Variants in HTR7 observed in about 807,000 individuals in gnomAD.
The protein encoded by HTR7 is 5-hydroxytryptamine receptor 7, also known as 5-HT-7.
Under a neutral mutation model 34.0 loss-of-function variants are expected in HTR7, and 16 were observed. That is an observed-to-expected ratio of 0.47 (90% CI 0.32 to 0.71). HTR7 has a LOEUF of 0.71. Ranked by LOEUF, HTR7 falls within the 30% of genes least tolerant of loss-of-function variation. HTR7 has a pLI of 0.04. For missense variants in HTR7, 504 were observed against 625.5 expected (o/e 0.81, Z 2.07); for synonymous variants, 265 against 260.2 (o/e 1.02, Z -0.18).
chr10:90,811,129 C>G (rs891160522), intron 1 of HTR7, among the ~76,000 whole-genome samples: 3 of 152,178 alleles, frequency 2.0e-5, no homozygotes, highest in Admixed American at 2.0e-4. Flanking sequence ...TCATCCCAAC[C>G]CTTTTCATTA....
intron 1 of HTR7, among the ~76,000 whole-genome samples, chr10:90,771,011 G>T (rs541869576): frequency 6.6e-6 from 1 of 152,322 alleles, no homozygotes; most frequent in South Asian, 2.1e-4. Context: ...GGCTCAGCCA[G>T]AGCAGAAGGG....
intron 1 of HTR7, among the ~76,000 whole-genome samples, chr10:90,772,023 T>G (rs576532326): frequency 6.6e-6 from 1 of 152,216 alleles, no homozygotes; most frequent in Non-Finnish European, 1.5e-5. Flanking sequence ...GTCAGAACTA[T>G]AAGCCATTTA....
chr10:90,765,070 C>T (rs1043453137), intron 1 of HTR7, among the ~76,000 whole-genome samples: 7 of 152,136 alleles, frequency 4.6e-5, no homozygotes, highest in African/African-American at 1.7e-4. Flanking sequence ...GTGTTCCTTC[C>T]TGTTCAACTT....
At chr10:90,770,281 C>T (rs559720498) in intron 1 of HTR7, among the ~76,000 whole-genome samples, 26 of 152,298 alleles carry the variant, frequency 1.7e-4, no homozygotes, top group Admixed American at 1.1e-3. Context: ...GGGGCCACTG[C>T]GACAGGGCTG....
In HTR7 at chr10:90,804,601, C is replaced by T. The variant is rs181755209; in HGVS notation, c.539+52532G>A. ...AACGAGCCACCACCCCTCCCCACTC[C>T]TTCAGGTTTGGTAAAGGAGTTCAAA... On this transcript the variant is annotated intron_variant, in intron 1 of 3. Transcript: ENST00000336152. Among the ~76,000 whole-genome samples, 511 of 152,318 alleles carry T rather than the reference C, an allele frequency of 3.4e-3. 2 individuals carry two copies. The highest frequency in any genetic ancestry group is 5.8e-3 in the Admixed American group (88 of 15,304).
chr10:90,799,579 C>T (rs541246241), intron 1 of HTR7, among the ~76,000 whole-genome samples: 8 of 152,282 alleles, frequency 5.3e-5, no homozygotes, highest in African/African-American at 1.9e-4. Flanking sequence ...CCCCGCAAAT[C>T]ATCTCCTGTA....
rs1298538661 is a variant in HTR7, at chr10:90,742,164, C to G, written c.*318G>C. 2 of 209,376 alleles carry G rather than the reference C, an allele frequency of 9.6e-6. No individual in the cohort carries two copies. Among genetic ancestry groups the G allele is most frequent in the African/African-American group, 4.6e-5 (2 of 43,634 alleles). 13.0% of individuals were successfully genotyped at this position (209,376 alleles called of 1,614,324 possible). ...TGGGAAGTGTGCACTGGAACTTTCT[C>G]CCACTTGCATGGATTTGGACATATG... On this transcript the variant is annotated 3_prime_UTR_variant, in exon 4 of 4. Coordinates refer to ENST00000336152, the MANE Select transcript of HTR7 (RefSeq NM_019859.4).
chr10:90,816,412 G>A (rs943035984), intron 1 of HTR7, among the ~76,000 whole-genome samples: 8 of 152,160 alleles, frequency 5.3e-5, no homozygotes, highest in Non-Finnish European at 7.4e-5. Flanking sequence ...TAGAGAGAGA[G>A]AAATTCTATT....
intron 1 of HTR7, among the ~76,000 whole-genome samples, chr10:90,801,900 T>C (rs1240689514): frequency 1.3e-5 from 2 of 152,174 alleles, no homozygotes; most frequent in Non-Finnish European, 2.9e-5. Context: ...GTGACTCTGG[T>C]GTATTTTTGG....
chr10:90,824,375 T>C (rs1846035665), intron 1 of HTR7, among the ~76,000 whole-genome samples: 1 of 152,230 alleles, frequency 6.6e-6, no homozygotes, highest in Admixed American at 6.5e-5. Context: ...CAGTGGTATC[T>C]AGGTAGTACA....
At chr10:90,853,083 A>G (rs1403223952) in intron 1 of HTR7, among the ~76,000 whole-genome samples, 1 of 152,130 alleles carries the variant, frequency 6.6e-6, no homozygotes, top group East Asian at 1.9e-4. Context: ...ACAAAACATT[A>G]CCAATATAGG....
At chr10:90,815,230 TAC>T in intron 1 of HTR7, among the ~76,000 whole-genome samples, 2 of 152,012 alleles carry the variant, frequency 1.3e-5, no homozygotes, top group Admixed American at 1.3e-4. Context: ...TAGCTGGGAG[TAC>T]AGGCGCCCAC....
chr10:90,767,915 T>G (rs1310292439), intron 1 of HTR7, among the ~76,000 whole-genome samples: 3 of 152,134 alleles, frequency 2.0e-5, no homozygotes, highest in Admixed American at 6.5e-5. Context: ...CAGCCAAGAC[T>G]TCCCCTTGGA....
intron 2 of HTR7, 42 bp downstream of exon 2, chr10:90,748,797 G>A (rs1237783373): frequency 3.9e-6 from 6 of 1,553,234 alleles, no homozygotes; most frequent in Non-Finnish European, 5.2e-6. Flanking sequence ...CTGCATAAAA[G>A]GGTTTGGGGG....
chr10:90,747,177 G>C (rs1844652947), intron 2 of HTR7, among the ~76,000 whole-genome samples: 1 of 152,198 alleles, frequency 6.6e-6, no homozygotes, highest in East Asian at 1.9e-4. Context: ...TATTTTGCAG[G>C]TAGCATGCTG....
At chr10:90,816,413 A>G (rs1430606657) in intron 1 of HTR7, among the ~76,000 whole-genome samples, 2 of 152,178 alleles carry the variant, frequency 1.3e-5, no homozygotes, top group East Asian at 3.8e-4. Context: ...AGAGAGAGAG[A>G]AATTCTATTT....
Position 90,808,927 on chromosome 10 carries a change from C to T in HTR7, c.539+48206G>A, listed in dbSNP as rs1406881243. On this transcript the variant is annotated intron_variant, in intron 1 of 3. Coordinates refer to ENST00000336152, the MANE Select transcript of HTR7 (RefSeq NM_019859.4). ...TAATTCTTGTCGTAAAATAGGCAAA[C>T]GGTCTGAGGTGCCTGACGTCCAGGC... 8.5e-5 allele frequency among the ~76,000 whole-genome samples: 13 copies of T among 152,270 alleles called. 1 individual carries two copies. In the South Asian group the frequency reaches 1.0e-3, roughly 12 times the overall value.
At position 90,743,871 on chromosome 10, in the gene HTR7, C is replaced by A. The variant is rs190303626; in HGVS notation, c.1296-181G>T. 6.7e-4 allele frequency: 482 copies of A among 714,174 alleles called. 5 individuals carry two copies. The African/African-American group carries it at 7.8e-3, about 12-fold the overall frequency. The allele number at this position is 714,174 out of a possible 1,614,324, so 44.2% of individuals were successfully genotyped here. ...ATTACCAGTGCAAAAGTATTCACAG[C>A]TTTTCCTCCATCTATTCACTTCATT... On this transcript the variant is annotated intron_variant, in intron 2 of 3. Transcript: ENST00000336152.
intron 1 of HTR7, among the ~76,000 whole-genome samples, chr10:90,751,333 G>A (rs144732337): frequency 1.3e-5 from 2 of 152,208 alleles, no homozygotes; most frequent in East Asian, 3.9e-4. Context: ...GAAGAGGGAG[G>A]GAAAAGAAAA....
Sources: gnomAD v4.1 joint callset for allele counts (sites outside exome capture counted in the v4.1 genomes callset) on GRCh38, gnomAD v4.1.1 for gene constraint, MANE v1.5 for transcripts, NCBI Gene and HGNC (gene_info 2026-07-23, HGNC 2026-07-21) for gene names.